SYT2: variants seen among roughly 807,000 people sequenced by gnomAD.
The protein encoded by SYT2 is synaptotagmin 2.
A neutral mutation model predicts 39.9 loss-of-function variants in SYT2; 15 were observed. The observed-to-expected ratio is 0.38, with a 90% confidence interval of 0.25 to 0.58. The LOEUF (loss-of-function observed/expected upper bound fraction) is 0.58, where lower values mean the gene tolerates loss of function less well. SYT2 is among the 20% of genes least tolerant of loss of function. The pLI is 0.70. For missense variants in SYT2, 389 were observed against 530.3 expected, an observed-to-expected ratio of 0.73 and a Z score of 2.62; for synonymous variants, 181 against 204.5, an observed-to-expected ratio of 0.89 and a Z score of 0.98.
At chr1:202,604,818 CTTTTTTTT>C (rs59944538) in intron 2 of SYT2, among the ~76,000 whole-genome samples, 197 bp from the exon 3 acceptor site, 1 of 71,666 alleles carries the variant, frequency 1.4e-5, no homozygotes, top group Non-Finnish European at 2.5e-5. Context: ...TCATGCCTTG[CTTTTTTTT>C]TTTTTTTTTT....
rs113485176 is a variant in SYT2, at chr1:202,597,135, G to A, written c.1054-172C>T. On this transcript the variant is annotated intron_variant, in intron 8 of 8. Transcript: ENST00000367268. ...GAATTGACATGGAGGCAGAGGCCAC[G>A]CCTTTGGCAGCCTTTGTTTCTACCA... 2.6e-4 allele frequency among the ~76,000 whole-genome samples: 39 copies of A among 149,428 alleles called. 2 individuals are homozygous for A. The highest frequency in any genetic ancestry group is 8.3e-4 in the African/African-American group (34 of 41,070).
intron 1 of SYT2, among the ~76,000 whole-genome samples, chr1:202,667,990 C>T (rs1692513395): frequency 6.6e-6 from 1 of 152,210 alleles, no homozygotes; most frequent in Non-Finnish European, 1.5e-5. Flanking sequence ...GGATTACAGG[C>T]GTGAGCCATC....
intron 1 of SYT2, among the ~76,000 whole-genome samples, chr1:202,673,292 G>T (rs1653221451): frequency 6.6e-6 from 1 of 152,208 alleles, no homozygotes; most frequent in Non-Finnish European, 1.5e-5. Context: ...TGGCAGGTCA[G>T]CTTCAGCGTT....
intron 1 of SYT2, chr1:202,632,503 C>T (rs778761422): frequency 2.5e-5 from 24 of 968,016 alleles, no homozygotes; most frequent in Admixed American, 6.2e-5. Context: ...TAGCCATCGC[C>T]GGATCTCTAG....
rs762952322 is a variant in SYT2, at chr1:202,692,480, G to A, written c.-18+17778C>T. Among the ~76,000 whole-genome samples, 103 of 152,346 alleles carry A rather than the reference G, an allele frequency of 6.8e-4. 1 individual carries two copies. Among genetic ancestry groups the A allele is most frequent in the South Asian group, 1.7e-3 (8 of 4,826 alleles). On this transcript the variant is annotated intron_variant, in intron 1 of 8. Coordinates refer to ENST00000367268, the MANE Select transcript of SYT2 (RefSeq NM_177402.5). ...GACTTTGGGAGAACATTGCCAGATT[G>A]CAGGACCTGAGGTCATGGCTTTCTA...
Position 202,709,669 on chromosome 1 carries a change from G to A in SYT2, c.-18+589C>T, listed in dbSNP as rs573917051. On this transcript the variant is annotated intron_variant, in intron 1 of 8. Transcript: ENST00000367268. ...GAGGGGCGCCTCCAGCCCCTTCTTG[G>A]GCCCCTGCCCCAGCTCCTCGTGCCC... Among the ~76,000 whole-genome samples the A allele has an allele frequency of 9.9e-5, 15 of 152,154 alleles. 1 individual carries two copies. The South Asian group carries it at 1.9e-3, about 19-fold the overall frequency.
At chr1:202,625,524 A>C (rs1691375600) in intron 1 of SYT2, among the ~76,000 whole-genome samples, 1 of 151,726 alleles carries the variant, frequency 6.6e-6, no homozygotes, top group Non-Finnish European at 1.5e-5. Flanking sequence ...TTCAAGCTGC[A>C]GGAGAGTAGC....
intron 1 of SYT2, chr1:202,627,495 T>C: frequency 1.0e-6 from 1 of 984,586 alleles, no homozygotes; most frequent in Non-Finnish European, 1.2e-6. Context: ...AGGGCCTGAG[T>C]GGTCATGGGT....
rs1484806907 is a variant in SYT2, at chr1:202,592,612, T to C, written c.*4145A>G. ...ATCTTCTTTTATATATAATTAAATA[T>C]ACACGGATGGGGGCAGATGAGGCTC... On this transcript the variant is annotated 3_prime_UTR_variant, in exon 9 of 9. Coordinates refer to ENST00000367268, the MANE Select transcript of SYT2 (RefSeq NM_177402.5). 1.3e-5 allele frequency: 2 copies of C among 152,222 alleles called. No individual in the cohort carries two copies. The highest frequency in any genetic ancestry group is 2.4e-5 in the African/African-American group (1 of 41,454). The allele number at this position is 152,222 out of a possible 1,614,324, so 9.4% of individuals were successfully genotyped here.
At chr1:202,602,198 A>T in intron 5 of SYT2, 141 bp from the exon 6 acceptor site, 1 of 490,258 alleles carries the variant, frequency 2.0e-6, no homozygotes, top group Non-Finnish European at 3.7e-6. Flanking sequence ...TTTGGGGAGC[A>T]GAGTGTGAGG....
rs371358379 is a variant in SYT2 at position 202,665,920 on chromosome 1, G to A, written c.-18+44338C>T. Among the ~76,000 whole-genome samples the A allele has an allele frequency of 2.2e-4, 33 of 152,214 alleles. No homozygotes were observed. The East Asian group carries it at 5.2e-3, about 24-fold the overall frequency. On this transcript the variant is annotated intron_variant, in intron 1 of 8. Transcript: ENST00000367268. ...TGTAATCCCAGCACTTTGGGAGGCCGAGGCAGGCGGATCACAAGGTCAGGA... is the reference window on the plus strand; with the variant it reads ...TGTAATCCCAGCACTTTGGGAGGCCAAGGCAGGCGGATCACAAGGTCAGGA...
intron 1 of SYT2, among the ~76,000 whole-genome samples, chr1:202,664,103 T>C (rs1572665790): frequency 1.3e-5 from 2 of 152,314 alleles, no homozygotes; most frequent in East Asian, 3.9e-4. Flanking sequence ...TCTTACCCAC[T>C]GCCTGAACCC....
In SYT2 at chr1:202,602,367, GC is replaced by G. The variant is rs760947470; in HGVS notation, c.633+10del. On this transcript the variant is annotated intron_variant, in intron 5 of 8. Coordinates refer to ENST00000367268, the MANE Select transcript of SYT2 (RefSeq NM_177402.5). ...GCAGGGAGCTGGAGTCACCCTTCCA[GC>G]CCTCAGCACCTTGAAGGTGAAGGTT... is the stretch of plus-strand genomic sequence containing the variant. 32 of 1,611,378 alleles carry G rather than the reference GC, an allele frequency of 2.0e-5. No individual in the cohort carries two copies. The highest frequency in any genetic ancestry group is 2.0e-5 in the Non-Finnish European group (24 of 1,178,278).
At chr1:202,634,940 G>A (rs1303717386) in intron 1 of SYT2, among the ~76,000 whole-genome samples, 23 of 152,156 alleles carry the variant, frequency 1.5e-4, no homozygotes, top group Admixed American at 1.4e-3. Context: ...GTGAAAAAAT[G>A]TTCTGAAATT....
intron 8 of SYT2, among the ~76,000 whole-genome samples, chr1:202,598,298 GA>G: frequency 6.6e-6 from 1 of 152,288 alleles, no homozygotes; most frequent in South Asian, 2.1e-4. Context: ...GAAGAGGTAG[GA>G]AGAAGAACAT....
At chr1:202,700,328 C>T (rs1040133977) in intron 1 of SYT2, among the ~76,000 whole-genome samples, 5 of 152,314 alleles carry the variant, frequency 3.3e-5, no homozygotes, top group South Asian at 2.1e-4. Flanking sequence ...CCCTGTGACA[C>T]GAAGCCCCGC....
intron 1 of SYT2, among the ~76,000 whole-genome samples, chr1:202,640,770 GAGAGAGAGAGAGAGAGAGAGAGAC>G (rs1691888667): frequency 2.8e-5 from 4 of 140,386 alleles, no homozygotes; most frequent in Admixed American, 6.8e-5. Flanking sequence ...GAGAGAGAGA[GAGAGAGAGAGAGAGAGAGAGAGAC>G]AGACAGACAG....
chr1:202,647,047 A>G (rs1201084863), intron 1 of SYT2, among the ~76,000 whole-genome samples: 1 of 152,118 alleles, frequency 6.6e-6, no homozygotes, highest in Non-Finnish European at 1.5e-5. Flanking sequence ...CCAGGCCTGG[A>G]GCTGTGGTAC....
rs140885002 is a variant in SYT2, at chr1:202,684,186, G to A, written c.-18+26072C>T. Among the ~76,000 whole-genome samples the A allele has an allele frequency of 5.7e-3, 861 of 152,044 alleles. 32 individuals carry two copies. Among genetic ancestry groups the A allele is most frequent in the Admixed American group, 0.049 (750 of 15,264 alleles). On this transcript the variant is annotated intron_variant, in intron 1 of 8. Coordinates refer to ENST00000367268, the MANE Select transcript of SYT2 (RefSeq NM_177402.5). ...CCTTCCATAGTTATCTTTGCTCTTC[G>A]CAAATGTTCAGCACATGATTCGGTA...
Sources: gnomAD v4.1 joint callset for allele counts (sites outside exome capture counted in the v4.1 genomes callset) on GRCh38, gnomAD v4.1.1 for gene constraint, MANE v1.5 for transcripts, NCBI Gene and HGNC (gene_info 2026-07-23, HGNC 2026-07-21) for gene names.